Variants in DYM observed in about 807,000 individuals in gnomAD.
DYM encodes the protein dyggve-Melchior-Clausen syndrome protein.
DYM carries 78 observed loss-of-function variants against 93.1 expected under a neutral mutation model. The ratio of observed to expected loss-of-function variants is 0.84; its 90% confidence interval spans 0.70 to 1.01. The LOEUF is 1.01. Among genes scored for constraint, DYM ranks in the 50% least tolerant of loss-of-function variants. DYM has a pLI of 0.00. For missense variants in DYM, 789 were observed against 845.0 expected, an observed-to-expected ratio of 0.93 and a Z score of 0.82; for synonymous variants, 321 against 319.7, an observed-to-expected ratio of 1.00 and a Z score of -0.04.
intron 8 of DYM, among the ~76,000 whole-genome samples, chr18:49,328,409 A>G (rs1568258227): frequency 6.6e-6 from 1 of 152,074 alleles, no homozygotes; most frequent in East Asian, 1.9e-4. Flanking sequence ...AGTAAGGAGG[A>G]CTCCAAGCAA....
At chr18:49,105,874 T>A (rs2080742957) in intron 16 of DYM, among the ~76,000 whole-genome samples, 1 of 152,228 alleles carries the variant, frequency 6.6e-6, no homozygotes, top group Non-Finnish European at 1.5e-5. Flanking sequence ...CTGAGAAGAA[T>A]GTATATTCTG....
intron 15 of DYM, among the ~76,000 whole-genome samples, chr18:49,157,303 C>A: frequency 6.6e-6 from 1 of 152,134 alleles, no homozygotes; most frequent in East Asian, 1.9e-4. Flanking sequence ...CTAAAGAGCT[C>A]AGAGACAGTT....
At chr18:49,070,266 G>T (rs1375000098) in intron 17 of DYM, among the ~76,000 whole-genome samples, 1 of 152,180 alleles carries the variant, frequency 6.6e-6, no homozygotes, top group Non-Finnish European at 1.5e-5. Context: ...TTTGTGCTAG[G>T]GAGTTTACGT....
chr18:49,077,513 G>A (rs1399581200), intron 17 of DYM, among the ~76,000 whole-genome samples: 1 of 152,222 alleles, frequency 6.6e-6, no homozygotes, highest in Non-Finnish European at 1.5e-5. Context: ...TGAGGTAGTT[G>A]ATAGTCTTTT....
At chr18:49,339,827 C>T (rs1036272498) in intron 6 of DYM, among the ~76,000 whole-genome samples, 1 of 152,172 alleles carries the variant, frequency 6.6e-6, no homozygotes, top group Non-Finnish European at 1.5e-5. Flanking sequence ...CACGAAACAT[C>T]CATTATTTGT....
At chr18:49,128,487 G>C (rs1473157730) in intron 15 of DYM, among the ~76,000 whole-genome samples, 13 of 152,202 alleles carry the variant, frequency 8.5e-5, no homozygotes, top group African/African-American at 2.9e-4. Context: ...AAAAGTCTTT[G>C]ACTTTCTACT....
chr18:49,098,155 T>C (rs543343290), intron 16 of DYM, among the ~76,000 whole-genome samples: 2 of 152,164 alleles, frequency 1.3e-5, no homozygotes, highest in African/African-American at 2.4e-5. Flanking sequence ...CAAAACATCA[T>C]TTTTCAGCAA....
intron 3 of DYM, among the ~76,000 whole-genome samples, chr18:49,390,048 T>A (rs112727809): frequency 6.6e-6 from 1 of 152,190 alleles, no homozygotes; most frequent in Non-Finnish European, 1.5e-5. Flanking sequence ...AGCAAAAAAT[T>A]CCCTAAGCTA....
intron 6 of DYM, among the ~76,000 whole-genome samples, chr18:49,356,517 C>T (rs2065579654): frequency 6.6e-6 from 1 of 152,152 alleles, no homozygotes. Flanking sequence ...CCCCCCAACC[C>T]TACCCTCACT....
At chr18:49,352,514 C>T (rs762879529) in intron 6 of DYM, among the ~76,000 whole-genome samples, 6 of 152,026 alleles carry the variant, frequency 3.9e-5, no homozygotes, top group Non-Finnish European at 8.8e-5. Context: ...AAGTGGTTGC[C>T]AGGGACGAGG....
intron 8 of DYM, 23 bp from the exon 9 acceptor site, chr18:49,286,639 A>G: frequency 6.2e-7 from 1 of 1,610,862 alleles, no homozygotes; most frequent in Middle Eastern, 1.8e-4. Context: ...ACACCCTGTT[A>G]GGATGTGCTG....
chr18:49,440,380 A>C (rs1381220868), intron 1 of DYM, among the ~76,000 whole-genome samples: 3 of 124,602 alleles, frequency 2.4e-5, no homozygotes, highest in African/African-American at 9.6e-5. Context: ...ATAGCATATT[A>C]TATATGATAT....
intron 2 of DYM, chr18:49,393,839 G>T (rs1367470997): frequency 6.6e-6 from 1 of 152,024 alleles, no homozygotes; most frequent in Non-Finnish European, 1.5e-5. Context: ...GCTACAACAT[G>T]AATGAACCCT....
intron 8 of DYM, among the ~76,000 whole-genome samples, chr18:49,295,046 A>C (rs992498882): frequency 2.0e-5 from 3 of 151,890 alleles, no homozygotes; most frequent in Non-Finnish European, 4.4e-5. Context: ...AAAAATACAA[A>C]GAAGAAACAC....
At chr18:49,333,202 T>C (rs2063433443) in intron 7 of DYM, among the ~76,000 whole-genome samples, 1 of 152,196 alleles carries the variant, frequency 6.6e-6, no homozygotes, top group African/African-American at 2.4e-5. Context: ...CCACACCCTC[T>C]AGGAGATCGT....
intron 1 of DYM, among the ~76,000 whole-genome samples, chr18:49,457,172 T>C (rs894208249): frequency 3.3e-5 from 5 of 152,226 alleles, no homozygotes; most frequent in African/African-American, 9.6e-5. Flanking sequence ...CAGTAGTTCA[T>C]TCTGCCTGAA....
chr18:49,230,440 T>G (rs571194036), intron 13 of DYM, among the ~76,000 whole-genome samples: 13 of 152,238 alleles, frequency 8.5e-5, no homozygotes, highest in African/African-American at 3.1e-4. Context: ...CAAAAAAATC[T>G]TACTACCTCA....
intron 17 of DYM, among the ~76,000 whole-genome samples, chr18:49,063,613 C>T (rs1357562955): frequency 3.9e-5 from 5 of 127,282 alleles, no homozygotes; most frequent in Non-Finnish European, 8.0e-5. Flanking sequence ...TTCTTTCTTT[C>T]TCTCTCTTTT....
chr18:49,267,576 T>C (rs755816936), intron 11 of DYM, among the ~76,000 whole-genome samples: 5 of 152,208 alleles, frequency 3.3e-5, no homozygotes, highest in African/African-American at 4.8e-5. Flanking sequence ...TCTGTGGTGA[T>C]AGAAATATTC....
Sources: gnomAD v4.1 joint callset for allele counts (sites outside exome capture counted in the v4.1 genomes callset) on GRCh38, gnomAD v4.1.1 for gene constraint, MANE v1.5 for transcripts, NCBI Gene and HGNC (gene_info 2026-07-23, HGNC 2026-07-21) for gene names.